The following SLC25A12 variants were observed in gnomAD, a reference collection of about 807,000 sequenced individuals.
SLC25A12 encodes the protein solute carrier family 25 member 12, also known as electrogenic aspartate/glutamate antiporter SLC25A12, mitochondrial.
In SLC25A12, 32 loss-of-function variants were observed where a neutral mutation model predicts 83.3. The ratio of observed to expected loss-of-function variants is 0.38; its 90% CI spans 0.29 to 0.52. The LOEUF (loss-of-function observed/expected upper bound fraction) is 0.52, where lower values mean the gene tolerates loss of function less well. Among genes scored for constraint, SLC25A12 ranks in the 20% least tolerant of loss-of-function variants. SLC25A12 has a pLI of 0.84. For synonymous variants in SLC25A12, 267 were observed against 291.1 expected (o/e 0.92, Z 0.84); for missense variants, 611 against 835.6 (o/e 0.73, Z 3.31).
intron 2 of SLC25A12, among the ~76,000 whole-genome samples, chr2:171,882,174 G>C (rs555269441): frequency 1.4e-4 from 22 of 152,230 alleles, no homozygotes; most frequent in African/African-American, 4.3e-4. Flanking sequence ...TACATAAACA[G>C]TTCTTGGTTT....
At chr2:171,799,251 T>C (rs541919321) in intron 13 of SLC25A12, among the ~76,000 whole-genome samples, 40 of 152,314 alleles carry the variant, frequency 2.6e-4, no homozygotes, top group African/African-American at 8.2e-4. Context: ...CAAAATGAAC[T>C]AAGACAGCAA....
intron 2 of SLC25A12, among the ~76,000 whole-genome samples, chr2:171,890,697 G>A (rs1449553565): frequency 1.3e-5 from 2 of 152,110 alleles, no homozygotes; most frequent in Non-Finnish European, 2.9e-5. Context: ...TGCTCAGGTT[G>A]GTCTTGAACT....
intron 2 of SLC25A12, among the ~76,000 whole-genome samples, chr2:171,881,945 G>A (rs1685703696): frequency 6.6e-6 from 1 of 152,150 alleles, no homozygotes; most frequent in African/African-American, 2.4e-5. Flanking sequence ...AAAATGAGGT[G>A]AGGATACATT....
At chr2:171,801,043 C>G (rs78013968) in intron 13 of SLC25A12, among the ~76,000 whole-genome samples, 12,176 of 152,146 alleles carry the variant, frequency 0.08, 664 homozygotes, top group Non-Finnish European at 0.12. Context: ...ACTGTCAAAA[C>G]TCATTGAGCT....
intron 2 of SLC25A12, among the ~76,000 whole-genome samples, chr2:171,889,752 C>A (rs1685893977): frequency 6.6e-6 from 1 of 152,056 alleles, no homozygotes; most frequent in South Asian, 2.1e-4. Flanking sequence ...AATATCCTAC[C>A]AGTAGTATTA....
intron 9 of SLC25A12, among the ~76,000 whole-genome samples, chr2:171,815,758 T>A (rs1034399055): frequency 6.6e-6 from 1 of 152,110 alleles, no homozygotes. Context: ...TTCACAGGTA[T>A]CCCACAGCAT....
chr2:171,884,854 C>CT (rs1199903089), intron 2 of SLC25A12, among the ~76,000 whole-genome samples: 2 of 151,952 alleles, frequency 1.3e-5, no homozygotes, highest in Non-Finnish European at 2.9e-5. Flanking sequence ...CTAAACAGCT[C>CT]TATCTTATCT....
chr2:171,820,636 G>A (rs1684167945), intron 9 of SLC25A12, among the ~76,000 whole-genome samples: 1 of 140,538 alleles, frequency 7.1e-6, no homozygotes, highest in South Asian at 2.5e-4. Context: ...GCTGAGGCAG[G>A]AGAATGGCGT....
chr2:171,846,088 C>T (rs2105896863), intron 4 of SLC25A12, among the ~76,000 whole-genome samples: 1 of 152,132 alleles, frequency 6.6e-6, no homozygotes, highest in African/African-American at 2.4e-5. Flanking sequence ...TTTAGGGCTA[C>T]AAATATTGTA....
intron 3 of SLC25A12, among the ~76,000 whole-genome samples, chr2:171,867,903 G>T (rs1408240376): frequency 6.6e-6 from 1 of 152,064 alleles, no homozygotes; most frequent in Non-Finnish European, 1.5e-5. Flanking sequence ...AGAGTGCAGT[G>T]GCGCAATCTC....
At chr2:171,785,613 T>C in intron 17 of SLC25A12, 138 bp from the exon 18 acceptor site, 1 of 767,784 alleles carries the variant, frequency 1.3e-6, no homozygotes, top group Admixed American at 2.1e-5. Context: ...CTGTGCTGCA[T>C]GACTAGAAAC....
intron 6 of SLC25A12, among the ~76,000 whole-genome samples, chr2:171,836,256 C>A (rs1684554200): frequency 6.6e-6 from 1 of 152,138 alleles, no homozygotes; most frequent in Admixed American, 6.5e-5. Flanking sequence ...CTTTCTACCC[C>A]AGTCTAAATC....
intron 4 of SLC25A12, among the ~76,000 whole-genome samples, chr2:171,851,800 G>A (rs1321783804): frequency 6.6e-6 from 1 of 152,196 alleles, no homozygotes. Context: ...CTCCCAAACT[G>A]CTGGGATTAC....
chr2:171,785,627 AGTCATGATTTATAGCTGC>A (rs1314150949), intron 17 of SLC25A12, 152 bp from the exon 18 acceptor site: 1 of 711,964 alleles, frequency 1.4e-6, no homozygotes, highest in East Asian at 2.7e-5. Flanking sequence ...TAGAAACCAC[AGTCATGATTTATAGCTGC>A]TTTGACAGCA....
chr2:171,790,892 A>T (rs1315389295), intron 15 of SLC25A12, among the ~76,000 whole-genome samples: 1 of 152,094 alleles, frequency 6.6e-6, no homozygotes, highest in Non-Finnish European at 1.5e-5. Flanking sequence ...CAAAGTGTTA[A>T]CGATTAGAAA....
chr2:171,856,408 T>TATACC (rs1351165530), intron 3 of SLC25A12, among the ~76,000 whole-genome samples: 3 of 152,112 alleles, frequency 2.0e-5, no homozygotes, highest in Non-Finnish European at 2.9e-5. Flanking sequence ...CATTGCCAAA[T>TATACC]ATACCCTGGT....
chr2:171,822,394 A>C lies in SLC25A12; in HGVS notation c.930+4404T>G, dbSNP rs375044733. ...TGCATACTGCTATCCCTATTTATTTATTTATTTGAGACAGGGTCTCACTCT... is the reference window on the plus strand; with the variant it reads ...TGCATACTGCTATCCCTATTTATTTCTTTATTTGAGACAGGGTCTCACTCT... On this transcript the variant is annotated intron_variant, in intron 9 of 17. Coordinates refer to ENST00000422440, the MANE Select transcript of SLC25A12 (RefSeq NM_003705.5). Among the ~76,000 whole-genome samples, 14 of 152,044 alleles carry C rather than the reference A, an allele frequency of 9.2e-5. No homozygotes were observed. The East Asian group carries it at 1.2e-3, about 13-fold the overall frequency.
intron 15 of SLC25A12, 127 bp from the exon 16 acceptor site, chr2:171,788,074 G>T: frequency 1.1e-6 from 1 of 890,596 alleles, no homozygotes. Context: ...TTACATAGAT[G>T]TCTGGCCATT....
At position 171,860,722 on chromosome 2, in the gene SLC25A12, A is replaced by C. The variant is rs1168972748; in HGVS notation, c.210-4773T>G. ...TTTACTCTGAAATGTATTAAAAAAA[A>C]GATGGATTGATGGAAGGATAGAGGG... On this transcript the variant is annotated intron_variant, in intron 3 of 17. Transcript: ENST00000422440. 1.8e-4 allele frequency among the ~76,000 whole-genome samples: 28 copies of C among 152,170 alleles called. 1 individual carries two copies. The highest frequency in any genetic ancestry group is 1.8e-3 in the Admixed American group (28 of 15,258).
Sources: allele counts gnomAD v4.1 joint callset (sites outside exome capture counted in the v4.1 genomes callset), GRCh38; gene constraint gnomAD v4.1.1; transcripts MANE v1.5; gene names NCBI Gene and HGNC (gene_info 2026-07-23, HGNC 2026-07-21).